ARHGAP26: variants seen among roughly 807,000 people sequenced by gnomAD.
The protein encoded by ARHGAP26 is Rho GTPase activating protein 26.
ARHGAP26 carries 38 observed loss-of-function variants against 104.8 expected under a neutral mutation model. The ratio of observed to expected loss-of-function variants is 0.36; its 90% CI spans 0.28 to 0.48. The LOEUF (loss-of-function observed/expected upper bound fraction) is 0.48. ARHGAP26 is among the 20% of genes least tolerant of loss of function. The pLI is 0.99. For missense variants in ARHGAP26, 704 were observed against 947.9 expected, an observed-to-expected ratio of 0.74 and a Z score of 3.38; for synonymous variants, 341 against 340.0, an observed-to-expected ratio of 1.00 and a Z score of -0.03.
intron 12 of ARHGAP26, among the ~76,000 whole-genome samples, chr5:143,022,303 C>T (rs1212737125): frequency 2.6e-5 from 4 of 152,174 alleles, no homozygotes; most frequent in Non-Finnish European, 5.9e-5. Context: ...GGACTCCTGA[C>T]CTCAGGTGAT....
intron 1 of ARHGAP26, chr5:142,772,705 C>A (rs1031491328): frequency 3.2e-5 from 17 of 528,612 alleles, no homozygotes; most frequent in African/African-American, 1.7e-4. Flanking sequence ...GCTTTTGAAT[C>A]CACCTGGTTT....
chr5:143,162,163 C>T (rs1201219412), intron 20 of ARHGAP26, among the ~76,000 whole-genome samples: 1 of 145,080 alleles, frequency 6.9e-6, no homozygotes, highest in East Asian at 2.0e-4. Context: ...AGCCTGCATC[C>T]CCTCTGTAGC....
chr5:142,842,898 T>G (rs543075558), intron 1 of ARHGAP26, among the ~76,000 whole-genome samples: 77 of 152,364 alleles, frequency 5.1e-4, no homozygotes, highest in Middle Eastern at 3.4e-3. Context: ...TGGTATATTC[T>G]TGTGGGACAA....
At chr5:142,771,368 G>C in intron 1 of ARHGAP26, 1 of 1,232,184 alleles carries the variant, frequency 8.1e-7, no homozygotes, top group South Asian at 4.1e-5. Context: ...GCCTCCCCTT[G>C]GGAAAAGGTG....
intron 1 of ARHGAP26, among the ~76,000 whole-genome samples, chr5:142,861,841 A>C (rs1753411696): frequency 6.6e-6 from 1 of 152,098 alleles, no homozygotes; most frequent in South Asian, 2.1e-4. Context: ...GGGATTTTGA[A>C]CGCTGGGAGT....
chr5:143,145,999 C>CT (rs1799109438), intron 19 of ARHGAP26, among the ~76,000 whole-genome samples: 1 of 152,084 alleles, frequency 6.6e-6, no homozygotes, highest in Non-Finnish European at 1.5e-5. Flanking sequence ...AAATATTGGC[C>CT]TTTAAATTAT....
At chr5:143,187,992 C>T (rs1342921914) in intron 20 of ARHGAP26, among the ~76,000 whole-genome samples, 1 of 152,200 alleles carries the variant, frequency 6.6e-6, no homozygotes, top group East Asian at 1.9e-4. Flanking sequence ...TCTCACAGGA[C>T]ACTTTCGCAA....
intron 11 of ARHGAP26, among the ~76,000 whole-genome samples, chr5:142,950,607 C>T (rs1468518361): frequency 6.6e-6 from 1 of 152,004 alleles, no homozygotes; most frequent in Non-Finnish European, 1.5e-5. Context: ...TGTCATGTTT[C>T]CTACAGCGAC....
intron 17 of ARHGAP26, among the ~76,000 whole-genome samples, chr5:143,067,594 T>C (rs1787682470): frequency 6.6e-6 from 1 of 152,228 alleles, no homozygotes; most frequent in African/African-American, 2.4e-5. Context: ...TTTAGCATCC[T>C]GATTTATTTC....
intron 1 of ARHGAP26, among the ~76,000 whole-genome samples, chr5:142,845,539 T>TC (rs1771753388): frequency 6.6e-6 from 1 of 152,210 alleles, no homozygotes; most frequent in Non-Finnish European, 1.5e-5. Context: ...TGGCCAGACA[T>TC]CCGCAGTTAC....
intron 20 of ARHGAP26, among the ~76,000 whole-genome samples, chr5:143,193,072 G>A (rs1279326696): frequency 1.3e-5 from 2 of 151,968 alleles, no homozygotes; most frequent in East Asian, 3.9e-4. Flanking sequence ...AAACTTCATA[G>A]CATTCCAAGT....
intron 10 of ARHGAP26, among the ~76,000 whole-genome samples, chr5:142,917,426 T>G (rs1762633475): frequency 6.6e-6 from 1 of 152,218 alleles, no homozygotes; most frequent in Non-Finnish European, 1.5e-5. Context: ...GTGTCCAGTT[T>G]TCAGGCTGTG....
At chr5:142,918,487 CT>C (rs1762799340) in intron 10 of ARHGAP26, among the ~76,000 whole-genome samples, 1 of 152,180 alleles carries the variant, frequency 6.6e-6, no homozygotes, top group Admixed American at 6.5e-5. Context: ...TAGAAATCTA[CT>C]TTTAATTCTT....
chr5:142,896,573 T>C (rs1759505540), intron 6 of ARHGAP26, among the ~76,000 whole-genome samples: 1 of 152,206 alleles, frequency 6.6e-6, no homozygotes, highest in African/African-American at 2.4e-5. Context: ...TTCTTCTCCT[T>C]CTTTTGTCTC....
intron 13 of ARHGAP26, among the ~76,000 whole-genome samples, chr5:143,038,252 T>A (rs889198094): frequency 6.6e-6 from 1 of 152,210 alleles, no homozygotes; most frequent in African/African-American, 2.4e-5. Context: ...ATATACACTT[T>A]TTTTTCCATA....
At chr5:143,127,934 A>G (rs151111269) in intron 18 of ARHGAP26, among the ~76,000 whole-genome samples, 12 of 152,356 alleles carry the variant, frequency 7.9e-5, no homozygotes, top group African/African-American at 2.9e-4. Flanking sequence ...TCAGGAAGCT[A>G]ATCTTGTCCT....
intron 17 of ARHGAP26, among the ~76,000 whole-genome samples, chr5:143,085,170 T>A (rs1460049435): frequency 6.6e-6 from 1 of 151,970 alleles, no homozygotes; most frequent in Non-Finnish European, 1.5e-5. Flanking sequence ...TTTTTCTTCC[T>A]CTCTGTTAGA....
intron 20 of ARHGAP26, among the ~76,000 whole-genome samples, chr5:143,200,490 T>C (rs1376318035): frequency 6.6e-6 from 1 of 152,148 alleles, no homozygotes; most frequent in Non-Finnish European, 1.5e-5. Flanking sequence ...TAGAACAGCC[T>C]GTAGCCATTT....
intron 5 of ARHGAP26, 82 bp from the exon 6 acceptor site, chr5:142,894,156 A>ATTTT: frequency 9.7e-7 from 1 of 1,034,076 alleles, no homozygotes; most frequent in Admixed American, 2.4e-5. Flanking sequence ...ATCTCCCGAG[A>ATTTT]TTTTTTTTTT....
Sources: gnomAD v4.1 joint callset for allele counts (sites outside exome capture counted in the v4.1 genomes callset) on GRCh38, gnomAD v4.1.1 for gene constraint, MANE v1.5 for transcripts, NCBI Gene and HGNC (gene_info 2026-07-23, HGNC 2026-07-21) for gene names.